PRKD1: variants seen among roughly 807,000 people sequenced by gnomAD.
PRKD1 encodes the protein protein kinase D1, also known as serine/threonine-protein kinase D1.
A neutral mutation model predicts 95.9 loss-of-function variants in PRKD1; 63 were observed. The ratio of observed to expected loss-of-function variants is 0.66; its 90% CI spans 0.54 to 0.81. PRKD1 has a LOEUF of 0.81. PRKD1 is among the 30% of genes least tolerant of loss of function. The probability of loss-of-function intolerance (pLI) is 0.00; values close to 1 mark genes in which losing one functional copy is unlikely to be tolerated. For synonymous variants in PRKD1, 425 were observed against 423.1 expected, an observed-to-expected ratio of 1.00 and a Z score of -0.05; for missense variants, 1,048 against 1,165.3, an observed-to-expected ratio of 0.90 and a Z score of 1.47.
At chr14:29,885,804 TAAAAAAAAA>T (rs759317394) in intron 1 of PRKD1, among the ~76,000 whole-genome samples, 4 of 53,500 alleles carry the variant, frequency 7.5e-5, no homozygotes, top group Non-Finnish European at 7.4e-5. Flanking sequence ...CCATCTTTAC[TAAAAAAAAA>T]AAAAAAAAAA....
At chr14:29,795,450 C>T (rs1889771529) in intron 1 of PRKD1, among the ~76,000 whole-genome samples, 1 of 151,998 alleles carries the variant, frequency 6.6e-6, no homozygotes. Flanking sequence ...CCATTATATG[C>T]TCACCTAATT....
At chr14:29,866,019 A>G (rs1200503909) in intron 1 of PRKD1, among the ~76,000 whole-genome samples, 3 of 152,338 alleles carry the variant, frequency 2.0e-5, no homozygotes. Flanking sequence ...TAAAAAATCT[A>G]TAATTTTGCA....
chr14:29,666,165 G>A lies in PRKD1; in HGVS notation c.447C>T (p.Leu149=), dbSNP rs757509544. ...CTGGAGCTCTGTATGAATGAACAAA[G>A]AGAGCGTGGGGACGAATCTGAAAGT... is the stretch of plus-strand genomic sequence containing the variant. ...FEDFQIRPHA[L]FVHSYRAPAF... The change falls in exon 3 of 18, where the codon CTC becomes CTT. Residue 149 remains leucine (L), a synonymous_variant. Coordinates refer to ENST00000331968, the MANE Select transcript of PRKD1 (RefSeq NM_002742.3). 6 of 1,607,516 alleles carry A rather than the reference G, an allele frequency of 3.7e-6. No individual in the cohort carries two copies. In the East Asian group the frequency reaches 1.3e-4, roughly 36 times the overall value.
chr14:29,916,329 G>A (rs183318940), intron 1 of PRKD1, among the ~76,000 whole-genome samples: 6 of 152,240 alleles, frequency 3.9e-5, no homozygotes, highest in East Asian at 1.9e-4. Context: ...GTGATCTAGC[G>A]TGGCCATTTC....
At chr14:29,779,374 A>G (rs1280672220) in intron 1 of PRKD1, among the ~76,000 whole-genome samples, 1 of 152,342 alleles carries the variant, frequency 6.6e-6, no homozygotes, top group East Asian at 1.9e-4. Flanking sequence ...ACATGATTTT[A>G]TATTTAGAAA....
At chr14:29,903,736 T>G (rs1161335520) in intron 1 of PRKD1, among the ~76,000 whole-genome samples, 1 of 152,094 alleles carries the variant, frequency 6.6e-6, no homozygotes, top group Non-Finnish European at 1.5e-5. Context: ...AAATGATTAA[T>G]GAAAAAAGCC....
intron 1 of PRKD1, among the ~76,000 whole-genome samples, chr14:29,801,792 G>A (rs926948559): frequency 3.9e-5 from 6 of 152,132 alleles, no homozygotes; most frequent in East Asian, 1.9e-4. Context: ...AGGTTCAAGC[G>A]TTTCTCCTGC....
In PRKD1 at chr14:29,629,071, T is replaced by C; in HGVS notation, c.1695A>G (p.Ser565=). 1 of 1,608,550 alleles carries C rather than the reference T, an allele frequency of 6.2e-7. No individual in the cohort carries two copies. Among genetic ancestry groups the C allele is most frequent in the Non-Finnish European group, 8.5e-7 (1 of 1,177,468 alleles). Reference sequence around the variant, plus strand: ...TTTCTTGAATCTGGCAATTTGATACTGAAATACTCACAGAGATATCTCCTG... The same window carrying C: ...TTTCTTGAATCTGGCAATTTGATACCGAAATACTCACAGAGATATCTCCTG... ...NLHRDISVSI[S]VSNCQIQENV... Residue 565 remains serine (S), a synonymous_variant, in exon 11 of 18, where the codon TCA becomes TCG. Transcript: ENST00000331968.
At chr14:29,706,112 G>A (rs867093481) in intron 2 of PRKD1, among the ~76,000 whole-genome samples, 34 of 152,120 alleles carry the variant, frequency 2.2e-4, no homozygotes, top group African/African-American at 7.5e-4. Context: ...AATTGTTACT[G>A]TCTGTCTACT....
intron 1 of PRKD1, among the ~76,000 whole-genome samples, chr14:29,891,614 G>A (rs901582641): frequency 6.6e-6 from 1 of 151,238 alleles, no homozygotes; most frequent in Non-Finnish European, 1.5e-5. Flanking sequence ...CTAAGGCAGG[G>A]TCTCTCATAA....
At position 29,831,811 on chromosome 14, in the gene PRKD1, C is replaced by A. The variant is rs560802950; in HGVS notation, c.264+95438G>T. Among the ~76,000 whole-genome samples, 143 of 152,204 alleles carry A rather than the reference C, an allele frequency of 9.4e-4. 1 individual carries two copies. The highest frequency in any genetic ancestry group is 6.6e-3 in the Admixed American group (101 of 15,286). On this transcript the variant is annotated intron_variant, in intron 1 of 17. Transcript: ENST00000331968. ...TCATTTACTGATTATTTAATAATCA[C>A]TTATGGATGTCCATAATCAACATAT...
intron 1 of PRKD1, among the ~76,000 whole-genome samples, chr14:29,801,302 G>A (rs1410491660): frequency 2.6e-5 from 4 of 152,154 alleles, no homozygotes; most frequent in Admixed American, 1.3e-4. Flanking sequence ...GAATATGGAT[G>A]TTAACCATAC....
intron 7 of PRKD1, among the ~76,000 whole-genome samples, chr14:29,634,947 T>C (rs1880271954): frequency 6.6e-6 from 1 of 151,908 alleles, no homozygotes; most frequent in African/African-American, 2.4e-5. Context: ...AGGCAGAGAA[T>C]TGCTTGAACT....
intron 1 of PRKD1, among the ~76,000 whole-genome samples, chr14:29,885,804 TAAAAAAAAAAAAAAAAA>T (rs759317394): frequency 3.7e-5 from 2 of 53,502 alleles, no homozygotes; most frequent in Non-Finnish European, 7.4e-5. Context: ...CCATCTTTAC[TAAAAAAAAAAAAAAAAA>T]AAAAAAAAAT....
intron 1 of PRKD1, among the ~76,000 whole-genome samples, chr14:29,883,017 C>T (rs1342434711): frequency 1.3e-5 from 2 of 152,132 alleles, no homozygotes; most frequent in Non-Finnish European, 2.9e-5. Flanking sequence ...AGAAGTTCTG[C>T]AGGCTATACA....
chr14:29,657,736 G>C (rs10140050), intron 4 of PRKD1: 1 of 152,468 alleles, frequency 6.6e-6, no homozygotes. Flanking sequence ...GCGTGGTGGC[G>C]GGCGCCAGTA....
chr14:29,778,454 T>G (rs1212486537), intron 1 of PRKD1, among the ~76,000 whole-genome samples: 2 of 151,718 alleles, frequency 1.3e-5, no homozygotes, highest in African/African-American at 2.4e-5. Context: ...GATAACAGGG[T>G]TATCACCACT....
chr14:29,749,563 C>CA (rs1441358645), intron 1 of PRKD1, among the ~76,000 whole-genome samples: 1 of 152,120 alleles, frequency 6.6e-6, no homozygotes, highest in African/African-American at 2.4e-5. Context: ...CAGAGCAGGT[C>CA]AGGCACATTT....
chr14:29,699,562 G>A (rs1884719833), intron 2 of PRKD1, among the ~76,000 whole-genome samples: 1 of 151,662 alleles, frequency 6.6e-6, no homozygotes, highest in Non-Finnish European at 1.5e-5. Flanking sequence ...TTAATCCTTT[G>A]CCTTTTATGG....
Sources: allele counts gnomAD v4.1 joint callset (sites outside exome capture counted in the v4.1 genomes callset), GRCh38; gene constraint gnomAD v4.1.1; transcripts MANE v1.5; gene names NCBI Gene and HGNC (gene_info 2026-07-23, HGNC 2026-07-21).